ZFPM2: variants seen among roughly 807,000 people sequenced by gnomAD.
ZFPM2 encodes zinc finger protein ZFPM2.
ZFPM2 carries 20 observed loss-of-function variants against 98.6 expected under a neutral mutation model. The observed-to-expected ratio is 0.20, with a 90% CI of 0.14 to 0.29. The LOEUF (loss-of-function observed/expected upper bound fraction) is 0.29. Among genes scored for constraint, ZFPM2 ranks in the 10% least tolerant of loss-of-function variants. ZFPM2 has a pLI of 1.00. For missense variants in ZFPM2, 1,310 were observed against 1,388.6 expected (o/e 0.94, Z 0.90); for synonymous variants, 518 against 502.7 (o/e 1.03, Z -0.41).
intron 3 of ZFPM2, among the ~76,000 whole-genome samples, chr8:105,534,883 G>C (rs1814416011): frequency 6.6e-6 from 1 of 152,094 alleles, no homozygotes; most frequent in East Asian, 1.9e-4. Flanking sequence ...AGAACATATT[G>C]GGGGGAGTCA....
chr8:105,573,030 A>G (rs542302394), intron 4 of ZFPM2, among the ~76,000 whole-genome samples: 5 of 152,080 alleles, frequency 3.3e-5, no homozygotes, highest in Non-Finnish European at 2.9e-5. Context: ...CGCAGGCATA[A>G]TGTCTCCCAC....
intron 3 of ZFPM2, among the ~76,000 whole-genome samples, chr8:105,537,610 G>A (rs1040114391): frequency 1.3e-5 from 2 of 152,078 alleles, no homozygotes; most frequent in Non-Finnish European, 2.9e-5. Context: ...TGAACCCAGG[G>A]GTTTGAGGCT....
intron 1 of ZFPM2, among the ~76,000 whole-genome samples, chr8:105,368,242 A>G (rs1001157139): frequency 6.6e-6 from 1 of 151,266 alleles, no homozygotes; most frequent in African/African-American, 2.4e-5. Context: ...TGGCCTCATA[A>G]AATGAGTTAG....
At chr8:105,377,256 G>C (rs1019107166) in intron 1 of ZFPM2, among the ~76,000 whole-genome samples, 1 of 152,126 alleles carries the variant, frequency 6.6e-6, no homozygotes, top group Admixed American at 6.6e-5. Context: ...AATCTTCATA[G>C]TGCTTACAAC....
At chr8:105,633,474 C>T (rs1216485408) in intron 4 of ZFPM2, among the ~76,000 whole-genome samples, 1 of 152,122 alleles carries the variant, frequency 6.6e-6, no homozygotes, top group Non-Finnish European at 1.5e-5. Flanking sequence ...CGGAGTTTTA[C>T]AGATAAATAA....
At chr8:105,527,382 C>G (rs1309505074) in intron 3 of ZFPM2, among the ~76,000 whole-genome samples, 1 of 152,122 alleles carries the variant, frequency 6.6e-6, no homozygotes, top group Non-Finnish European at 1.5e-5. Context: ...ACACACAGAG[C>G]GAAAGAGCAA....
chr8:105,477,237 CTTTTTT>C (rs397891589), intron 3 of ZFPM2, among the ~76,000 whole-genome samples: 1 of 74,474 alleles, frequency 1.3e-5, no homozygotes, highest in Non-Finnish European at 2.4e-5. Flanking sequence ...TGCTAGCAAT[CTTTTTT>C]TTTTTTTTTT....
At chr8:105,324,198 A>G (rs759380473) in intron 1 of ZFPM2, among the ~76,000 whole-genome samples, 14 of 151,872 alleles carry the variant, frequency 9.2e-5, no homozygotes, top group Non-Finnish European at 1.9e-4. Flanking sequence ...ACAAAGATTT[A>G]TACATTGCTT....
chr8:105,474,548 T>TA (rs201006839), intron 3 of ZFPM2, among the ~76,000 whole-genome samples: 2,973 of 151,010 alleles, frequency 0.02, 95 homozygotes, highest in African/African-American at 0.068. Context: ...ATTGGTAAGT[T>TA]AAAAAAAAAT....
intron 1 of ZFPM2, among the ~76,000 whole-genome samples, chr8:105,405,058 T>C (rs1811413572): frequency 6.6e-6 from 1 of 151,972 alleles, no homozygotes; most frequent in Non-Finnish European, 1.5e-5. Context: ...AAATAAATAG[T>C]GAAATTGATA....
At chr8:105,623,379 TA>T (rs1435076026) in intron 4 of ZFPM2, among the ~76,000 whole-genome samples, 1 of 152,190 alleles carries the variant, frequency 6.6e-6, no homozygotes, top group East Asian at 1.9e-4. Context: ...TAATAACAGG[TA>T]TATTTTAAGT....
At chr8:105,640,668 A>G (rs1020397077) in intron 5 of ZFPM2, among the ~76,000 whole-genome samples, 1 of 152,040 alleles carries the variant, frequency 6.6e-6, no homozygotes, top group African/African-American at 2.4e-5. Context: ...GTCTTTCATT[A>G]CAAAGATTCT....
intron 3 of ZFPM2, among the ~76,000 whole-genome samples, chr8:105,446,935 G>A (rs1174393319): frequency 6.6e-6 from 1 of 152,066 alleles, no homozygotes; most frequent in African/African-American, 2.4e-5. Flanking sequence ...AAAGTAGGGG[G>A]TATTTCGTGT....
intron 1 of ZFPM2, among the ~76,000 whole-genome samples, chr8:105,348,233 T>A (rs1812576455): frequency 6.6e-6 from 1 of 152,238 alleles, no homozygotes; most frequent in African/African-American, 2.4e-5. Flanking sequence ...TGGTTATATT[T>A]ATGTAATGCT....
At chr8:105,515,786 G>T (rs190389273) in intron 3 of ZFPM2, among the ~76,000 whole-genome samples, 1 of 152,092 alleles carries the variant, frequency 6.6e-6, no homozygotes, top group East Asian at 1.9e-4. Context: ...AGACATTGGG[G>T]AGTAGGGGAG....
At chr8:105,605,270 G>A (rs954588246) in intron 4 of ZFPM2, among the ~76,000 whole-genome samples, 2 of 151,980 alleles carry the variant, frequency 1.3e-5, no homozygotes, top group Non-Finnish European at 2.9e-5. Context: ...ATACAATTCT[G>A]AATCTTTCTT....
At position 105,802,198 on chromosome 8, in the gene ZFPM2, A is replaced by G; in HGVS notation, c.2116A>G (p.Lys706Glu). The G allele has an allele frequency of 6.2e-7, 1 of 1,613,956 alleles. No homozygotes were observed. Among genetic ancestry groups the G allele is most frequent in the Non-Finnish European group, 8.5e-7 (1 of 1,179,874 alleles). Residue 706 changes from lysine (K) to glutamate (E), a missense_variant, in exon 8 of 8, where the codon AAA becomes GAA. Lys to Glu is a moderately conservative substitution (Grantham distance 56, BLOSUM62 1). Coordinates refer to ENST00000407775, the MANE Select transcript of ZFPM2 (RefSeq NM_012082.4). ...FSRHETYMVH[K>E]QYYCATRHDP... ...CCGGCACGAAACATACATGGTCCAC[A>G]AACAGTATTACTGTGCTACACGCCA...
At chr8:105,667,630 G>T (rs1378579472) in intron 5 of ZFPM2, among the ~76,000 whole-genome samples, 5 of 152,080 alleles carry the variant, frequency 3.3e-5, no homozygotes, top group African/African-American at 4.8e-5. Flanking sequence ...ATCTGTGCAA[G>T]GCCAGGTTTT....
At position 105,636,023 on chromosome 8, in the gene ZFPM2, AC is replaced by A. The variant is rs575369382; in HGVS notation, c.532+1667del. 2.4e-3 allele frequency among the ~76,000 whole-genome samples: 361 copies of A among 152,312 alleles called. 2 individuals are homozygous for A. Among genetic ancestry groups the A allele is most frequent in the Non-Finnish European group, 4.2e-3 (288 of 68,010 alleles). On this transcript the variant is annotated intron_variant, in intron 5 of 7. Transcript: ENST00000407775. The stretch of plus-strand genomic sequence containing the variant: ...TTTATGTTTCATAAACACAAATTAT[AC>A]ATAACCTAATGGTAATTCTATACAA...
Sources: allele counts gnomAD v4.1 joint callset (sites outside exome capture counted in the v4.1 genomes callset), GRCh38; gene constraint gnomAD v4.1.1; transcripts MANE v1.5; gene names NCBI Gene and HGNC (gene_info 2026-07-23, HGNC 2026-07-21).